GABRA1: variants seen among roughly 807,000 people sequenced by gnomAD.
GABRA1 encodes the protein gamma-aminobutyric acid receptor subunit alpha-1.
A neutral mutation model predicts 48.9 loss-of-function variants in GABRA1; 9 were observed. The observed-to-expected ratio is 0.18, with a 90% CI of 0.11 to 0.32. The LOEUF (loss-of-function observed/expected upper bound fraction) is 0.32. Ranked by LOEUF, GABRA1 falls within the 10% of genes least tolerant of loss-of-function variation. GABRA1 has a pLI of 1.00. For missense variants in GABRA1, 285 were observed against 553.8 expected (o/e 0.51, Z 4.87); for synonymous variants, 210 against 198.7 (o/e 1.06, Z -0.48).
chr5:161,852,490 C>T (rs1021924412), intron 2 of GABRA1, among the ~76,000 whole-genome samples: 7 of 151,930 alleles, frequency 4.6e-5, no homozygotes, highest in African/African-American at 9.7e-5. Context: ...TCAAGATGAC[C>T]TTCCAGCATC....
rs775083142 is a variant in GABRA1, at chr5:161,873,095, G to T, written c.256-22G>T. 3.2e-6 allele frequency: 5 copies of T among 1,562,726 alleles called. No individual in the cohort carries two copies. In the Admixed American group the frequency reaches 5.0e-5, roughly 16 times the overall value. On this transcript the variant is annotated intron_variant, in intron 4 of 9. Transcript: ENST00000393943. ...CAAAATACAGCACAGTGAACTCTTC[G>T]TCATTTTCCAAAATTACCTAGGAAT...
At chr5:161,867,971 G>A (rs572901935) in intron 4 of GABRA1, among the ~76,000 whole-genome samples, 1 of 151,630 alleles carries the variant, frequency 6.6e-6, no homozygotes, top group Admixed American at 6.6e-5. Flanking sequence ...ATCTTTCACA[G>A]TATTAGTTCA....
intron 2 of GABRA1, among the ~76,000 whole-genome samples, chr5:161,852,258 A>T (rs1757473629): frequency 6.6e-6 from 1 of 152,106 alleles, no homozygotes; most frequent in Non-Finnish European, 1.5e-5. Context: ...CAGGAAGAAA[A>T]GCATTTTCTG....
chr5:161,880,982 T>A (rs1754590054), intron 6 of GABRA1, among the ~76,000 whole-genome samples: 1 of 152,184 alleles, frequency 6.6e-6, no homozygotes, highest in African/African-American at 2.4e-5. Context: ...AGGCCATTCC[T>A]CCAAGAAGAA....
In GABRA1 at chr5:161,854,186, C is replaced by G; in HGVS notation, c.103C>G (p.Leu35Val). Residue 35 changes from leucine to valine, a missense_variant, in exon 3 of 10, where the codon CTT becomes GTT. This residue lies in a region of GABRA1 where 45 missense variants were observed against 39.9 expected (regional missense o/e 1.13). Transcript: ENST00000393943. Reference protein sequence around the residue: ...SYGQPSLQDELKDNTTVFTRI... With the variant: ...SYGQPSLQDEVKDNTTVFTRI... The stretch of plus-strand genomic sequence containing the variant: ...TGGACAGCCGTCATTACAAGATGAA[C>G]TTAAAGACAATACCACTGTCTTCAC... 6.2e-7 allele frequency: 1 copy of G among 1,606,164 alleles called. No individual in the cohort carries two copies. The highest frequency in any genetic ancestry group is 8.5e-7 in the Non-Finnish European group (1 of 1,173,428).
intron 7 of GABRA1, among the ~76,000 whole-genome samples, chr5:161,884,576 T>C (rs1424453593): frequency 6.6e-6 from 1 of 152,148 alleles, no homozygotes; most frequent in Non-Finnish European, 1.5e-5. Context: ...GTTGCAGGAA[T>C]TGATTTTTCA....
chr5:161,872,344 T>C (rs1038539797), intron 4 of GABRA1: 2 of 152,616 alleles, frequency 1.3e-5, no homozygotes, highest in African/African-American at 4.8e-5. Context: ...GAATGCTGTG[T>C]TTATTCAAAT....
intron 4 of GABRA1, among the ~76,000 whole-genome samples, chr5:161,871,663 G>T (rs1420587461): frequency 1.3e-5 from 2 of 152,096 alleles, no homozygotes; most frequent in Non-Finnish European, 2.9e-5. Flanking sequence ...TTTATTAGGT[G>T]CTTAAGAGAT....
chr5:161,865,466 A>G (rs544687955), intron 3 of GABRA1, among the ~76,000 whole-genome samples: 34 of 152,244 alleles, frequency 2.2e-4, no homozygotes, highest in Middle Eastern at 3.4e-3. Context: ...CTCTTGAAGA[A>G]TTCATTAGGC....
intron 9 of GABRA1, among the ~76,000 whole-genome samples, chr5:161,896,778 A>G (rs762403210): frequency 6.6e-6 from 1 of 152,152 alleles, no homozygotes. Context: ...GTCACAGCAT[A>G]TTAAAGGGGC....
chr5:161,848,992 A>G (rs1292493396), intron 1 of GABRA1: 4 of 455,174 alleles, frequency 8.8e-6, no homozygotes, highest in African/African-American at 4.0e-5. Context: ...CCCATTCTGA[A>G]CACGAAAACT....
intron 3 of GABRA1, among the ~76,000 whole-genome samples, chr5:161,858,310 T>C (rs1425568520): frequency 6.6e-6 from 1 of 151,668 alleles, no homozygotes; most frequent in African/African-American, 2.4e-5. Context: ...ACTGCACCCA[T>C]CTGCGTGAAA....
upstream of GABRA1, chr5:161,847,220 A>G (rs886060357): frequency 4.6e-5 from 7 of 152,098 alleles, no homozygotes; most frequent in Non-Finnish European, 1.0e-4. Context: ...GGGGGGGGAA[A>G]AGTAGATGCG....
chr5:161,849,680 C>G, intron 1 of GABRA1, among the ~76,000 whole-genome samples: 1 of 152,094 alleles, frequency 6.6e-6, no homozygotes, highest in East Asian at 1.9e-4. Flanking sequence ...AGATTGCAGT[C>G]TATTAATCAC....
intron 6 of GABRA1, chr5:161,882,233 TTA>T (rs1754648370): frequency 2.7e-6 from 1 of 374,804 alleles, no homozygotes; most frequent in South Asian, 2.4e-5. Flanking sequence ...ACGTATTTGC[TTA>T]TATGTTTTTG....
At chr5:161,882,399 G>T in intron 6 of GABRA1, 159 bp from the exon 7 acceptor site, 3 of 666,582 alleles carry the variant, frequency 4.5e-6, no homozygotes, top group Non-Finnish European at 7.7e-6. Context: ...ATCAGAAAAC[G>T]TGTTTTAGTT....
rs900257498 is a variant in GABRA1, at chr5:161,898,983, T to A, written c.*1561T>A. 5.2e-5 allele frequency: 8 copies of A among 152,586 alleles called. No individual in the cohort carries two copies. The highest frequency in any genetic ancestry group is 1.4e-4 in the African/African-American group (6 of 41,458). The allele number at this position is 152,586 out of a possible 1,614,324, so 9.5% of individuals were successfully genotyped here. On this transcript the variant is annotated 3_prime_UTR_variant, in exon 10 of 10. Coordinates refer to ENST00000393943, the MANE Select transcript of GABRA1 (RefSeq NM_001127644.2). ...TAATACTTCCTTATAAAAATTCTAG[T>A]CTGTTTCATTACTGCCCAGATGTTT...
At chr5:161,879,945 C>A (rs1193945490) in intron 6 of GABRA1, among the ~76,000 whole-genome samples, 2 of 152,098 alleles carry the variant, frequency 1.3e-5, no homozygotes. Flanking sequence ...AACAGCAGTG[C>A]AATATAAAAG....
chr5:161,848,571 G>C (rs1013622162), intron 1 of GABRA1, 149 bp downstream of exon 1: 1 of 153,542 alleles, frequency 6.5e-6, no homozygotes, highest in Non-Finnish European at 1.4e-5. Context: ...GCGAGCGAGC[G>C]AGCAAGGGAG....
Sources: gnomAD v4.1 joint callset for allele counts (sites outside exome capture counted in the v4.1 genomes callset) on GRCh38, gnomAD v4.1.1 for gene constraint, gnomAD v4.1.1 regional missense constraint, MANE v1.5 for transcripts, NCBI Gene and HGNC (gene_info 2026-07-23, HGNC 2026-07-21) for gene names.